Variants in FSTL5 observed in about 807,000 individuals in gnomAD.
FSTL5 encodes follistatin like 5.
A neutral mutation model predicts 89.1 loss-of-function variants in FSTL5; 62 were observed. The observed-to-expected ratio is 0.70, with a 90% CI of 0.57 to 0.86. The LOEUF (loss-of-function observed/expected upper bound fraction) is 0.86. Ranked by LOEUF, FSTL5 falls within the 40% of genes least tolerant of loss-of-function variation. FSTL5 has a pLI of 0.00. For missense variants in FSTL5, 1,057 were observed against 1,001.6 expected, an observed-to-expected ratio of 1.06 and a Z score of -0.75; for synonymous variants, 383 against 346.2, an observed-to-expected ratio of 1.11 and a Z score of -1.18.
chr4:162,081,793 TTCTCTCTCTCTC>T (rs5863514), intron 2 of FSTL5, among the ~76,000 whole-genome samples: 2 of 148,528 alleles, frequency 1.3e-5, no homozygotes, highest in Admixed American at 6.8e-5. Context: ...AGAAAACTGC[TTCTCTCTCTCTC>T]TCTCTCTCTC....
intron 10 of FSTL5, among the ~76,000 whole-genome samples, chr4:161,522,972 A>G (rs1004277351): frequency 1.1e-4 from 16 of 152,092 alleles, no homozygotes; most frequent in African/African-American, 3.6e-4. Context: ...TTTAAAGCTA[A>G]TAATCATCAA....
chr4:161,510,205 T>G (rs1256156931), intron 11 of FSTL5, among the ~76,000 whole-genome samples, 193 bp downstream of exon 11: 4 of 152,176 alleles, frequency 2.6e-5, no homozygotes, highest in African/African-American at 9.6e-5. Context: ...TATGTATCAA[T>G]ATTTAATCAA....
intron 3 of FSTL5, among the ~76,000 whole-genome samples, chr4:161,960,683 C>G (rs1462948068): frequency 6.6e-6 from 1 of 151,806 alleles, no homozygotes; most frequent in African/African-American, 2.4e-5. Context: ...AATTTCTTAA[C>G]TATAGTTTTG....
intron 15 of FSTL5, among the ~76,000 whole-genome samples, chr4:161,438,318 T>G (rs1025426636): frequency 6.6e-6 from 1 of 150,730 alleles, no homozygotes; most frequent in African/African-American, 2.5e-5. Context: ...GGGCCAGAGC[T>G]TCTTCTTACT....
At chr4:161,685,378 A>T (rs1388806869) in intron 6 of FSTL5, among the ~76,000 whole-genome samples, 1 of 152,192 alleles carries the variant, frequency 6.6e-6, no homozygotes, top group Non-Finnish European at 1.5e-5. Flanking sequence ...CCCATCCATG[A>T]GCATGGGATG....
intron 15 of FSTL5, among the ~76,000 whole-genome samples, chr4:161,448,069 T>C (rs561393370): frequency 6.4e-4 from 97 of 152,090 alleles, no homozygotes; most frequent in Non-Finnish European, 1.1e-3. Flanking sequence ...TCAGAACTTA[T>C]GCGTATTTCA....
chr4:161,973,272 C>A (rs745756783), intron 3 of FSTL5, among the ~76,000 whole-genome samples: 2 of 152,102 alleles, frequency 1.3e-5, no homozygotes, highest in African/African-American at 4.8e-5. Context: ...ATTTAAATAG[C>A]ATCAAATGAA....
chr4:161,487,182 A>G (rs573157765), intron 12 of FSTL5, among the ~76,000 whole-genome samples: 3 of 152,324 alleles, frequency 2.0e-5, no homozygotes, highest in East Asian at 1.9e-4. Flanking sequence ...TACATTTCCC[A>G]AACATAATGC....
intron 6 of FSTL5, among the ~76,000 whole-genome samples, chr4:161,698,487 C>A (rs933923477): frequency 2.0e-5 from 3 of 152,142 alleles, no homozygotes; most frequent in African/African-American, 7.2e-5. Flanking sequence ...GTATTGTATT[C>A]TTGAAAAATG....
At chr4:161,424,680 TAG>T (rs1732111493) in intron 15 of FSTL5, among the ~76,000 whole-genome samples, 1 of 152,166 alleles carries the variant, frequency 6.6e-6, no homozygotes, top group Non-Finnish European at 1.5e-5. Context: ...ACTCAAAATG[TAG>T]AGACTGGAAA....
intron 1 of FSTL5, among the ~76,000 whole-genome samples, chr4:162,146,875 AG>A (rs1175893844): frequency 6.6e-6 from 1 of 151,536 alleles, no homozygotes; most frequent in Non-Finnish European, 1.5e-5. Flanking sequence ...TCCATCTCCC[AG>A]GTTTGAGTGA....
intron 3 of FSTL5, among the ~76,000 whole-genome samples, chr4:161,968,985 A>ACG (rs1735405997): frequency 6.6e-6 from 1 of 151,266 alleles, no homozygotes; most frequent in African/African-American, 2.4e-5. Context: ...ACACACACAC[A>ACG]CACACATGCC....
chr4:162,054,110 C>T (rs1348960588), intron 2 of FSTL5, among the ~76,000 whole-genome samples: 1 of 151,732 alleles, frequency 6.6e-6, no homozygotes, highest in African/African-American at 2.4e-5. Flanking sequence ...TATACACCTA[C>T]ATCAATCTTA....
chr4:161,528,703 T>A (rs1431762759), intron 10 of FSTL5, among the ~76,000 whole-genome samples: 1 of 143,492 alleles, frequency 7.0e-6, no homozygotes, highest in African/African-American at 2.5e-5. Flanking sequence ...CAGAGAACAC[T>A]AAGAGAATCA....
intron 8 of FSTL5, among the ~76,000 whole-genome samples, chr4:161,569,147 C>A (rs902638885): frequency 6.6e-6 from 1 of 152,084 alleles, no homozygotes; most frequent in Non-Finnish European, 1.5e-5. Context: ...CATTACCATG[C>A]CTGGATAATT....
At chr4:161,472,405 T>A (rs1733977533) in intron 13 of FSTL5, among the ~76,000 whole-genome samples, 1 of 152,150 alleles carries the variant, frequency 6.6e-6, no homozygotes, top group Admixed American at 6.5e-5. Context: ...TTTTTCTTTT[T>A]CTTTCCGTTT....
At chr4:161,865,510 C>A (rs980898140) in intron 4 of FSTL5, among the ~76,000 whole-genome samples, 1 of 152,084 alleles carries the variant, frequency 6.6e-6, no homozygotes, top group Admixed American at 6.5e-5. Flanking sequence ...CATATTCTAA[C>A]CACAGTATGA....
chr4:162,100,006 T>C (rs1017121990), intron 2 of FSTL5, among the ~76,000 whole-genome samples: 2 of 152,194 alleles, frequency 1.3e-5, no homozygotes, highest in African/African-American at 2.4e-5. Flanking sequence ...GAATACAGTT[T>C]GGCAGTTTCT....
At chr4:161,888,342 T>G (rs1461473937) in intron 4 of FSTL5, among the ~76,000 whole-genome samples, 1 of 152,038 alleles carries the variant, frequency 6.6e-6, no homozygotes, top group African/African-American at 2.4e-5. Context: ...GTTCTTGATA[T>G]AAAGTAGAGG....
Sources: gnomAD v4.1 joint callset for allele counts (sites outside exome capture counted in the v4.1 genomes callset) on GRCh38, gnomAD v4.1.1 for gene constraint, MANE v1.5 for transcripts, NCBI Gene and HGNC (gene_info 2026-07-23, HGNC 2026-07-21) for gene names.